DPPA4: variants seen among roughly 807,000 people sequenced by gnomAD.
DPPA4 encodes the protein developmental pluripotency associated 4, also known as developmental pluripotency-associated protein 4.
A neutral mutation model predicts 33.7 loss-of-function variants in DPPA4; 22 were observed. That is an observed-to-expected ratio of 0.65 (90% CI 0.47 to 0.93). The LOEUF (loss-of-function observed/expected upper bound fraction) is 0.93, where lower values mean the gene tolerates loss of function less well. DPPA4 is among the 40% of genes least tolerant of loss of function. The probability of loss-of-function intolerance (pLI) is 0.00; values close to 1 mark genes in which losing one functional copy is unlikely to be tolerated. For synonymous variants in DPPA4, 156 were observed against 132.3 expected, an observed-to-expected ratio of 1.18 and a Z score of -1.23; for missense variants, 340 against 358.6, an observed-to-expected ratio of 0.95 and a Z score of 0.42.
chr3:109,330,405 G>A, intron 5 of DPPA4, 119 bp downstream of exon 5: 1 of 1,105,716 alleles, frequency 9.0e-7, no homozygotes, highest in Non-Finnish European at 1.4e-6. Context: ...CTGTGGGCAG[G>A]GTCCAGGAAT....
At chr3:109,335,984 C>T (rs915957306) in intron 1 of DPPA4, among the ~76,000 whole-genome samples, 1 of 151,524 alleles carries the variant, frequency 6.6e-6, no homozygotes, top group African/African-American at 2.4e-5. Context: ...GAAACTCAGT[C>T]ACTACCAAAA....
In DPPA4 at chr3:109,330,685, A is replaced by G. The variant is rs2107342626; in HGVS notation, c.518T>C (p.Val173Ala). 1 of 1,614,114 alleles carries G rather than the reference A, an allele frequency of 6.2e-7. No individual in the cohort carries two copies. The highest frequency in any genetic ancestry group is 8.5e-7 in the Non-Finnish European group (1 of 1,179,996). The change falls in exon 5 of 7, where the codon GTG becomes GCG. Residue 173 changes from valine (V) to alanine (A), a missense_variant. Physicochemically the swap from Val to Ala is moderately conservative, Grantham distance 64. This residue lies in a region of DPPA4 where 212 missense variants were observed against 206.5 expected (regional missense o/e 1.03). Coordinates refer to ENST00000335658, the MANE Select transcript of DPPA4 (RefSeq NM_018189.4). The part of the protein sequence containing the change: ...THPPEVALPP[V>A]GEPPALENST... ...ATTTTCCAGGGCAGGCGGCTCCCCCACAGGAGGAAGAGCCACTTCAGGAGG... is the reference window on the plus strand; with the variant it reads ...ATTTTCCAGGGCAGGCGGCTCCCCCGCAGGAGGAAGAGCCACTTCAGGAGG...
At chr3:109,330,331 A>AAAAAAAAAG (rs777601172) in intron 5 of DPPA4, 193 bp downstream of exon 5, 1 of 356,500 alleles carries the variant, frequency 2.8e-6, no homozygotes, top group African/African-American at 6.3e-5. Flanking sequence ...AAAAAAAAAA[A>AAAAAAAAAG]GGAAAAAAAA....
At chr3:109,333,244 A>G (rs146385868) in intron 2 of DPPA4, among the ~76,000 whole-genome samples, 33 of 151,142 alleles carry the variant, frequency 2.2e-4, no homozygotes, top group African/African-American at 7.3e-4. Context: ...TGGGAGGCTG[A>G]GACAGGAGAA....
intron 4 of DPPA4, among the ~76,000 whole-genome samples, chr3:109,331,289 GAAAAGAAAAGA>G (rs1708069476): frequency 8.3e-6 from 1 of 121,156 alleles, no homozygotes; most frequent in Non-Finnish European, 1.7e-5. Context: ...AAAAAAGAAA[GAAAAGAAAAGA>G]AAAGAAATGA....
chr3:109,328,783 T>C lies in DPPA4; in HGVS notation c.878+107A>G, dbSNP rs1056064256. ...TTTTCTTGAAACTCTTTACTGACAA[T>C]TTGAGCTTGAAATACCTGGCTATTT... On this transcript the variant is annotated intron_variant, in intron 6 of 6. Transcript: ENST00000335658. 3.9e-6 allele frequency: 4 copies of C among 1,029,340 alleles called. No individual in the cohort carries two copies. In the African/African-American group the frequency reaches 6.5e-5, roughly 17 times the overall value. The allele number at this position is 1,029,340 out of a possible 1,614,324, so 63.8% of individuals were successfully genotyped here.
chr3:109,329,460 G>A (rs1415614709), intron 5 of DPPA4: 2 of 195,220 alleles, frequency 1.0e-5, no homozygotes, highest in African/African-American at 2.3e-5. Context: ...GCGTGAACCC[G>A]GGAGGCGGTG....
intron 1 of DPPA4, among the ~76,000 whole-genome samples, chr3:109,335,975 A>G (rs1708187426): frequency 2.0e-5 from 3 of 151,576 alleles, no homozygotes; most frequent in Admixed American, 2.0e-4. Context: ...TAACATATCG[A>G]AACTCAGTCA....
In DPPA4 at chr3:109,333,792, G is replaced by C. The variant is rs1708135803; in HGVS notation, c.178+78C>G. ...AATACATGATGGAAATTTCTTCCCT[G>C]GTTTTTCTTCTTCAGAAAAATTCCT... On this transcript the variant is annotated intron_variant, in intron 2 of 6. Transcript: ENST00000335658. 5 of 1,533,374 alleles carry C rather than the reference G, an allele frequency of 3.3e-6. No homozygotes were observed. The South Asian group carries it at 3.6e-5, about 11-fold the overall frequency. 95.0% of individuals were successfully genotyped at this position (1,533,374 alleles called of 1,614,324 possible).
intron 5 of DPPA4, 180 bp from the exon 6 acceptor site, chr3:109,329,268 G>GCTCA: frequency 3.2e-6 from 2 of 616,850 alleles, no homozygotes; most frequent in Non-Finnish European, 5.7e-6. Flanking sequence ...GGGCGCAGTG[G>GCTCA]CTCACGCTTG....
At chr3:109,337,605 T>C, upstream of DPPA4, 1 of 1,136,354 alleles carries the variant, frequency 8.8e-7, no homozygotes, top group Non-Finnish European at 1.3e-6. Context: ...TCTCTCCACC[T>C]CACCTCTTCT....
At chr3:109,339,536 T>C (rs552168894), upstream of DPPA4, among the ~76,000 whole-genome samples, 2 of 151,900 alleles carry the variant, frequency 1.3e-5, no homozygotes, top group African/African-American at 2.4e-5. Flanking sequence ...GGCAGGAGAA[T>C]CGCTTGAGCT....
chr3:109,329,197 C>G, intron 5 of DPPA4, 109 bp from the exon 6 acceptor site: 1 of 924,746 alleles, frequency 1.1e-6, no homozygotes, highest in Non-Finnish European at 1.7e-6. Flanking sequence ...AAGATGTGAA[C>G]CCTGAAATCC....
Position 109,326,970 on chromosome 3 carries a change from A to T in DPPA4, c.*1018T>A, listed in dbSNP as rs1167356591. The T allele has an allele frequency of 6.6e-6, 1 of 152,180 alleles. No homozygotes were observed. Among genetic ancestry groups the T allele is most frequent in the Non-Finnish European group, 1.5e-5 (1 of 68,026 alleles). The allele number at this position is 152,180 out of a possible 1,614,324, so 9.4% of individuals were successfully genotyped here. A position where few individuals can be genotyped will look rare whatever the true frequency, so the allele number is the denominator to read the frequency against. On this transcript the variant is annotated 3_prime_UTR_variant, in exon 7 of 7. Transcript: ENST00000335658. ...TATTTTACATACACATCTTATTTTT[A>T]TTTATGGAGAATCGGTTAATAAACA... is the stretch of plus-strand genomic sequence containing the variant.
intron 6 of DPPA4, 116 bp downstream of exon 6, chr3:109,328,774 T>A (rs1057502605): frequency 5.2e-6 from 5 of 959,206 alleles, no homozygotes; most frequent in Middle Eastern, 2.2e-4. Flanking sequence ...TGAAACTCTT[T>A]ACTGACAATT....
At position 109,326,501 on chromosome 3, in the gene DPPA4, T is replaced by A. The variant is rs1038266331; in HGVS notation, c.*1487A>T. 7 of 152,138 alleles carry A rather than the reference T, an allele frequency of 4.6e-5. No homozygotes were observed. The highest frequency in any genetic ancestry group is 1.3e-4 in the Admixed American group (2 of 15,256). The allele number at this position is 152,138 out of a possible 1,614,324, so 9.4% of individuals were successfully genotyped here. On this transcript the variant is annotated 3_prime_UTR_variant, in exon 7 of 7. Transcript: ENST00000335658. ...TTTTGAGGATTCTTTCCCAAACCTA[T>A]TACACCTGTATTATGATGGTTACAA...
chr3:109,333,973 C>A lies in DPPA4; in HGVS notation c.75G>T (p.Ser25=), dbSNP rs776564280. Residue 25 remains serine (S), a synonymous_variant, in exon 2 of 7, where the codon TCG becomes TCT. Coordinates refer to ENST00000335658, the MANE Select transcript of DPPA4 (RefSeq NM_018189.4). ...KGKEWTSTEK[S]REEDQQASNQ... ...TAGAAGCCTGCTGATCCTCTTCCCT[C>A]GACTTCTCTGTGGAGGTCCACTGGG... is the stretch of plus-strand genomic sequence containing the variant. The A allele has an allele frequency of 2.5e-6, 4 of 1,614,008 alleles. No homozygotes were observed. The Admixed American group carries it at 6.7e-5, about 27-fold the overall frequency.
chr3:109,333,799 C>G, intron 2 of DPPA4, 71 bp downstream of exon 2: 1 of 1,564,778 alleles, frequency 6.4e-7, no homozygotes, highest in Non-Finnish European at 8.7e-7. Flanking sequence ...CCTGGTTTTT[C>G]TTCTTCAGAA....
At position 109,328,432 on chromosome 3, in the gene DPPA4, A is replaced by G. The variant is rs143436797; in HGVS notation, c.879-408T>C. Among the ~76,000 whole-genome samples the G allele has an allele frequency of 5.5e-4, 83 of 152,290 alleles. 1 individual carries two copies. In the East Asian group the frequency reaches 0.011, roughly 20 times the overall value. ...ATTCACATACTTCCTCCTGTGGGAG[A>G]TGGTCTTGCTACGTTTCCCAGGCTG... On this transcript the variant is annotated intron_variant, in intron 6 of 6. Coordinates refer to ENST00000335658, the MANE Select transcript of DPPA4 (RefSeq NM_018189.4).
Sources: allele counts gnomAD v4.1 joint callset (sites outside exome capture counted in the v4.1 genomes callset), GRCh38; gene constraint gnomAD v4.1.1; regional missense constraint gnomAD v4.1.1; transcripts MANE v1.5; gene names NCBI Gene and HGNC (gene_info 2026-07-23, HGNC 2026-07-21).